The following CSMD1 variants were observed in gnomAD, a reference collection of about 807,000 sequenced individuals.
The protein encoded by CSMD1 is CUB and Sushi multiple domains 1.
In CSMD1, 213 loss-of-function variants were observed where a neutral mutation model predicts 417.5. The observed-to-expected ratio is 0.51, with a 90% confidence interval of 0.46 to 0.57. The LOEUF (loss-of-function observed/expected upper bound fraction) is 0.57. CSMD1 is among the 20% of genes least tolerant of loss of function. The probability of loss-of-function intolerance (pLI) is 0.00; values close to 1 mark genes in which losing one functional copy is unlikely to be tolerated. For missense variants in CSMD1, 6,923 were observed against 4,529.7 expected, an observed-to-expected ratio of 1.53 and a Z score of -15.17; for synonymous variants, 2,862 against 1,736.8, an observed-to-expected ratio of 1.65 and a Z score of -16.11.
chr8:4,783,365 G>C (rs1190121671), intron 1 of CSMD1, among the ~76,000 whole-genome samples: 1 of 152,166 alleles, frequency 6.6e-6, no homozygotes, highest in African/African-American at 2.4e-5. Flanking sequence ...CAGAGGCTGG[G>C]AGAGAGCTGT....
intron 1 of CSMD1, among the ~76,000 whole-genome samples, chr8:4,766,955 A>C (rs1012889070): frequency 6.6e-5 from 10 of 152,220 alleles, no homozygotes; most frequent in African/African-American, 2.4e-4. Context: ...TGACTGAGTT[A>C]AGATAAGAAG....
intron 5 of CSMD1, among the ~76,000 whole-genome samples, chr8:3,928,494 A>G (rs1032106365): frequency 6.6e-6 from 1 of 151,502 alleles, no homozygotes; most frequent in African/African-American, 2.4e-5. Flanking sequence ...AGTTAAGTGG[A>G]ACAGGGGGCA....
chr8:4,844,152 A>G, intron 1 of CSMD1, among the ~76,000 whole-genome samples: 1 of 152,172 alleles, frequency 6.6e-6, no homozygotes, highest in East Asian at 1.9e-4. Flanking sequence ...TTTTTCAACC[A>G]AATATGAGTC....
intron 3 of CSMD1, among the ~76,000 whole-genome samples, chr8:4,060,250 A>C (rs898433660): frequency 6.6e-6 from 1 of 152,120 alleles, no homozygotes; most frequent in African/African-American, 2.4e-5. Flanking sequence ...ACAACCCTTC[A>C]TGCTAAAAAC....
chr8:3,795,039 A>ATATATATCATGTATAGCTATAGATACG (rs1799967603), intron 5 of CSMD1, among the ~76,000 whole-genome samples: 1 of 101,536 alleles, frequency 9.8e-6, no homozygotes, highest in Non-Finnish European at 2.4e-5. Flanking sequence ...CTATAGATAC[A>ATATATATCATGTATAGCTATAGATACG]TATCTATCAT....
chr8:4,448,095 T>A (rs148655540), intron 2 of CSMD1, among the ~76,000 whole-genome samples: 117 of 152,316 alleles, frequency 7.7e-4, no homozygotes, highest in African/African-American at 2.7e-3. Flanking sequence ...TCTGTTCCCT[T>A]CTCTATGTTC....
At chr8:4,640,022 T>A (rs965906274) in intron 1 of CSMD1, among the ~76,000 whole-genome samples, 3 of 152,164 alleles carry the variant, frequency 2.0e-5, no homozygotes, top group Admixed American at 1.3e-4. Context: ...GAAGACTTGA[T>A]TATAAATTGG....
intron 1 of CSMD1, among the ~76,000 whole-genome samples, chr8:4,955,432 A>C (rs1809029801): frequency 6.7e-6 from 1 of 149,254 alleles, no homozygotes; most frequent in Non-Finnish European, 1.5e-5. Context: ...TGGATGCACT[A>C]CTTCGACCGC....
rs1171365278 is a variant in CSMD1 at position 2,942,547 on chromosome 8, G to A, written c.10460C>T (p.Ser3487Phe). The change falls in exon 69 of 70, where the codon TCT (serine) becomes TTT (phenylalanine). Residue 3487 changes from serine to phenylalanine, a missense_variant. Transcript: ENST00000635120. ...SSHYHGTSSGSVAAAILVPFF... is the reference protein window; with the variant it reads ...SSHYHGTSSGFVAAAILVPFF... ...AGGAACCAGAATGGCAGCCGCCACA[G>A]AGCCACTGCTGGTGCCGTGGTAATG... 1 of 1,609,528 alleles carries A rather than the reference G, an allele frequency of 6.2e-7. No homozygotes were observed. Among genetic ancestry groups the A allele is most frequent in the Non-Finnish European group, 8.5e-7 (1 of 1,177,368 alleles).
At chr8:4,117,754 T>C (rs1370705685) in intron 3 of CSMD1, among the ~76,000 whole-genome samples, 2 of 152,094 alleles carry the variant, frequency 1.3e-5, no homozygotes, top group Non-Finnish European at 2.9e-5. Context: ...GTCAAATAGA[T>C]ATTCAGAAAC....
rs187408988 is a variant in CSMD1 at position 3,422,457 on chromosome 8, T to C, written c.1562-12852A>G. Among the ~76,000 whole-genome samples, 92 of 152,276 alleles carry C rather than the reference T, an allele frequency of 6.0e-4. 1 individual carries two copies. In the East Asian group the frequency reaches 0.012, roughly 20 times the overall value. On this transcript the variant is annotated intron_variant, in intron 12 of 69. Transcript: ENST00000635120. ...TTGAAAGAATCTTTCAAAAATATCA[T>C]GTGCATTTCAGTAATTCTTATAATT...
intron 5 of CSMD1, among the ~76,000 whole-genome samples, chr8:3,824,723 G>C (rs567006625): frequency 3.3e-5 from 5 of 152,010 alleles, no homozygotes; most frequent in African/African-American, 1.2e-4. Flanking sequence ...CTTTTAATTT[G>C]GCTACTAGAG....
chr8:4,181,510 C>T (rs1410941949), intron 3 of CSMD1, among the ~76,000 whole-genome samples: 1 of 151,956 alleles, frequency 6.6e-6, no homozygotes, highest in Non-Finnish European at 1.5e-5. Flanking sequence ...AAAAAATCAC[C>T]AGAAAACCTT....
intron 2 of CSMD1, among the ~76,000 whole-genome samples, chr8:4,545,644 A>G (rs1436811660): frequency 2.0e-5 from 3 of 152,182 alleles, no homozygotes; most frequent in African/African-American, 7.2e-5. Context: ...GCTAGGAGTA[A>G]GACACCCTAG....
At chr8:4,716,991 G>T (rs1053883856) in intron 1 of CSMD1, among the ~76,000 whole-genome samples, 1 of 152,002 alleles carries the variant, frequency 6.6e-6, no homozygotes, top group Non-Finnish European at 1.5e-5. Flanking sequence ...AAGTCTCCTG[G>T]TATAGAAGCC....
At chr8:4,047,758 T>C (rs1201620118) in intron 3 of CSMD1, among the ~76,000 whole-genome samples, 3 of 149,224 alleles carry the variant, frequency 2.0e-5, no homozygotes, top group African/African-American at 7.5e-5. Context: ...AAAATGGTAT[T>C]TTTTTGATAG....
chr8:3,580,376 G>A (rs562925250), intron 9 of CSMD1, among the ~76,000 whole-genome samples: 3 of 152,202 alleles, frequency 2.0e-5, no homozygotes, highest in South Asian at 2.1e-4. Context: ...CGGCATAAAT[G>A]GACAGTCACA....
intron 2 of CSMD1, among the ~76,000 whole-genome samples, chr8:4,578,741 G>C (rs571795376): frequency 6.7e-6 from 1 of 149,422 alleles, no homozygotes; most frequent in Non-Finnish European, 1.5e-5. Context: ...TTGAACCTGG[G>C]AGGGGGAGGT....
chr8:4,208,594 T>C (rs1202417431), intron 3 of CSMD1, among the ~76,000 whole-genome samples: 1 of 152,178 alleles, frequency 6.6e-6, no homozygotes, highest in Non-Finnish European at 1.5e-5. Context: ...CTACTGAAAT[T>C]AATGTTAAGA....
Sources: gnomAD v4.1 joint callset for allele counts (sites outside exome capture counted in the v4.1 genomes callset) on GRCh38, gnomAD v4.1.1 for gene constraint, MANE v1.5 for transcripts, NCBI Gene and HGNC (gene_info 2026-07-23, HGNC 2026-07-21) for gene names.